Variants in PLXDC2 observed in about 807,000 individuals in gnomAD.
The protein encoded by PLXDC2 is plexin domain containing 2, also known as plexin domain-containing protein 2.
A neutral mutation model predicts 68.9 loss-of-function variants in PLXDC2; 40 were observed. The observed-to-expected ratio is 0.58, with a 90% CI of 0.45 to 0.76. The LOEUF (loss-of-function observed/expected upper bound fraction) is 0.76. Among genes scored for constraint, PLXDC2 ranks in the 30% least tolerant of loss-of-function variants. The pLI is 0.00. For synonymous variants in PLXDC2, 243 were observed against 234.2 expected (o/e 1.04, Z -0.34); for missense variants, 644 against 661.9 (o/e 0.97, Z 0.30).
At chr10:19,966,414 T>C (rs1159583280) in intron 1 of PLXDC2, among the ~76,000 whole-genome samples, 1 of 150,544 alleles carries the variant, frequency 6.6e-6, no homozygotes, top group African/African-American at 2.4e-5. Context: ...TGTGCACATA[T>C]ATAAAAAATA....
chr10:20,227,659 G>A (rs1400898783), intron 12 of PLXDC2, among the ~76,000 whole-genome samples: 1 of 152,116 alleles, frequency 6.6e-6, no homozygotes, highest in Non-Finnish European at 1.5e-5. Context: ...AGTCTTTTAC[G>A]CCAGGCAATG....
At chr10:19,941,988 A>C (rs1833828340) in intron 1 of PLXDC2, among the ~76,000 whole-genome samples, 1 of 152,128 alleles carries the variant, frequency 6.6e-6, no homozygotes, top group Non-Finnish European at 1.5e-5. Context: ...AAAAAAAAAA[A>C]AAGAACTTTG....
intron 1 of PLXDC2, among the ~76,000 whole-genome samples, chr10:19,912,986 T>A (rs1228888021): frequency 6.6e-6 from 1 of 152,222 alleles, no homozygotes; most frequent in Non-Finnish European, 1.5e-5. Context: ...GACTGTTTTC[T>A]TAAGCTTTGA....
In PLXDC2 at chr10:20,288,419, C is replaced by G. The variant is rs1836187543; in HGVS notation, c.*8600C>G. Reference sequence around the variant, plus strand: ...GTCATGCTAAAATAACCAGCCCATACTTCTCGGTGACCTTCTGTTGAACGT... The same window carrying G: ...GTCATGCTAAAATAACCAGCCCATAGTTCTCGGTGACCTTCTGTTGAACGT... On this transcript the variant is annotated 3_prime_UTR_variant, in exon 14 of 14. Coordinates refer to ENST00000377252, the MANE Select transcript of PLXDC2 (RefSeq NM_032812.9). The G allele has an allele frequency of 6.6e-6, 1 of 152,054 alleles. No homozygotes were observed. Among genetic ancestry groups the G allele is most frequent in the African/African-American group, 2.4e-5 (1 of 41,386 alleles). 9.4% of individuals were successfully genotyped at this position (152,054 alleles called of 1,614,324 possible). A position where few individuals can be genotyped will look rare whatever the true frequency, so the allele number is the denominator to read the frequency against.
At chr10:19,976,345 C>G (rs893518058) in intron 1 of PLXDC2, among the ~76,000 whole-genome samples, 8 of 152,162 alleles carry the variant, frequency 5.3e-5, no homozygotes, top group African/African-American at 1.9e-4. Flanking sequence ...TCCCGAGTAG[C>G]TGGAATTACA....
chr10:20,122,941 G>A (rs904896908), intron 4 of PLXDC2, among the ~76,000 whole-genome samples: 7 of 152,188 alleles, frequency 4.6e-5, no homozygotes, highest in African/African-American at 9.6e-5. Flanking sequence ...GCTGCCAAAC[G>A]AGTCATGAGC....
chr10:20,273,651 T>C (rs1393725159), intron 13 of PLXDC2, among the ~76,000 whole-genome samples: 2 of 152,172 alleles, frequency 1.3e-5, no homozygotes, highest in African/African-American at 4.8e-5. Flanking sequence ...GAGATACTGA[T>C]AAAATACCAA....
intron 7 of PLXDC2, among the ~76,000 whole-genome samples, chr10:20,166,219 G>T (rs1311946986): frequency 6.6e-6 from 1 of 152,022 alleles, no homozygotes; most frequent in Non-Finnish European, 1.5e-5. Context: ...TATTATAAGG[G>T]TTATCTTACA....
chr10:19,962,220 G>A (rs925774144), intron 1 of PLXDC2, among the ~76,000 whole-genome samples: 10 of 151,832 alleles, frequency 6.6e-5, no homozygotes, highest in African/African-American at 2.4e-4. Flanking sequence ...ATGATTTTAT[G>A]TCTTGTCATT....
At chr10:19,877,000 T>C (rs546089063) in intron 1 of PLXDC2, among the ~76,000 whole-genome samples, 3 of 152,318 alleles carry the variant, frequency 2.0e-5, no homozygotes, top group Middle Eastern at 3.4e-3. Flanking sequence ...TTAGAAAATA[T>C]GTGATTCTAT....
At chr10:19,932,123 G>A (rs1212017335) in intron 1 of PLXDC2, among the ~76,000 whole-genome samples, 1 of 152,128 alleles carries the variant, frequency 6.6e-6, no homozygotes, top group Non-Finnish European at 1.5e-5. Context: ...ATCCCTTCCT[G>A]CATTGTTGCA....
intron 4 of PLXDC2, among the ~76,000 whole-genome samples, chr10:20,082,313 C>A (rs1004837741): frequency 3.3e-5 from 5 of 151,406 alleles, no homozygotes; most frequent in Non-Finnish European, 5.9e-5. Context: ...AGGTATCATA[C>A]CTTTGTCAAG....
chr10:20,251,549 AC>A (rs1423535002), intron 13 of PLXDC2, among the ~76,000 whole-genome samples: 1 of 152,166 alleles, frequency 6.6e-6, no homozygotes, highest in Non-Finnish European at 1.5e-5. Flanking sequence ...TGTTTCATGA[AC>A]ATAGGTCACG....
intron 1 of PLXDC2, among the ~76,000 whole-genome samples, chr10:19,959,005 C>G (rs1003482560): frequency 6.6e-6 from 1 of 152,112 alleles, no homozygotes; most frequent in Non-Finnish European, 1.5e-5. Context: ...AGACAGCCTT[C>G]TGATTAGAAG....
intron 12 of PLXDC2, among the ~76,000 whole-genome samples, chr10:20,242,696 C>G (rs909207993): frequency 2.0e-5 from 3 of 152,102 alleles, no homozygotes; most frequent in Non-Finnish European, 4.4e-5. Flanking sequence ...TAGCCTCTGT[C>G]ATCTTGGAGG....
chr10:20,070,275 GAAGT>G (rs935839537), intron 4 of PLXDC2, among the ~76,000 whole-genome samples: 1 of 152,184 alleles, frequency 6.6e-6, no homozygotes, highest in African/African-American at 2.4e-5. Context: ...TAGAAAGACT[GAAGT>G]TAGTACATTT....
chr10:19,821,878 G>A lies in PLXDC2; in HGVS notation c.112+4687G>A, dbSNP rs966123704. ...GGTTTCTGAGTGAATGTTCACTCAT[G>A]TTCTTAATCTCATATCTTTTTTCTT... On this transcript the variant is annotated intron_variant, in intron 1 of 13. Coordinates refer to ENST00000377252, the MANE Select transcript of PLXDC2 (RefSeq NM_032812.9). Among the ~76,000 whole-genome samples the A allele has an allele frequency of 1.3e-5, 2 of 152,078 alleles. 1 individual carries two copies. The highest frequency in any genetic ancestry group is 4.1e-4 in the South Asian group (2 of 4,822).
chr10:20,121,489 A>G (rs1833696956), intron 4 of PLXDC2, among the ~76,000 whole-genome samples: 1 of 152,134 alleles, frequency 6.6e-6, no homozygotes, highest in Admixed American at 6.5e-5. Flanking sequence ...TGAGGATGAA[A>G]TTTGGGCTTG....
intron 1 of PLXDC2, among the ~76,000 whole-genome samples, chr10:19,838,303 T>A (rs1205480449): frequency 6.6e-6 from 1 of 152,212 alleles, no homozygotes; most frequent in Non-Finnish European, 1.5e-5. Flanking sequence ...AGTTTCTAAA[T>A]ATTCACTTGT....
Sources: gnomAD v4.1 joint callset for allele counts (sites outside exome capture counted in the v4.1 genomes callset) on GRCh38, gnomAD v4.1.1 for gene constraint, MANE v1.5 for transcripts, NCBI Gene and HGNC (gene_info 2026-07-23, HGNC 2026-07-21) for gene names.